The following CASKIN1 variants were observed in gnomAD, a reference collection of about 807,000 sequenced individuals.
The protein encoded by CASKIN1 is CASK interacting protein 1, also known as caskin-1.
A neutral mutation model predicts 117.5 loss-of-function variants in CASKIN1; 42 were observed. The observed-to-expected ratio is 0.36, with a 90% confidence interval of 0.28 to 0.46. The LOEUF is 0.46. Ranked by LOEUF, CASKIN1 falls within the 20% of genes least tolerant of loss-of-function variation. CASKIN1 has a pLI of 1.00. For missense variants in CASKIN1, 2,083 were observed against 2,077.3 expected (o/e 1.00, Z -0.05); for synonymous variants, 1,148 against 961.7 (o/e 1.19, Z -3.59).
In CASKIN1 at chr16:2,180,484, G is replaced by C; in HGVS notation, c.2884C>G (p.Leu962Val). 6.4e-7 allele frequency: 1 copy of C among 1,551,488 alleles called. No homozygotes were observed. Among genetic ancestry groups the C allele is most frequent in the South Asian group, 1.2e-5 (1 of 85,626 alleles). Reference protein sequence around the residue: ...RSSSALASANLADEPVPDAEP... With the variant: ...RSSSALASANVADEPVPDAEP... ...GCGTCAGGCACCGGCTCATCCGCCA[G>C]GTTGGCACTAGCCAGGGCCGAGCTG... Residue 962 changes from leucine (L) to valine (V), a missense_variant, in exon 18 of 20, where the codon CTG becomes GTG. Physicochemically the swap from Leu to Val is conservative, Grantham distance 32. Around this residue, in one of 3 missense-constraint regions of CASKIN1, gnomAD observed 1,818 missense variants for 1,688.9 expected, o/e 1.08. Coordinates refer to ENST00000343516, the MANE Select transcript of CASKIN1 (RefSeq NM_020764.4).
chr16:2,191,325 G>T (rs766993023), intron 1 of CASKIN1, among the ~76,000 whole-genome samples: 2 of 152,180 alleles, frequency 1.3e-5, no homozygotes, highest in Non-Finnish European at 2.9e-5. Context: ...AGCCCCTGCT[G>T]CCCCGGCCTC....
chr16:2,189,881 G>T (rs1178349570), intron 3 of CASKIN1, among the ~76,000 whole-genome samples, 192 bp downstream of exon 3: 2 of 151,968 alleles, frequency 1.3e-5, no homozygotes, highest in Non-Finnish European at 2.9e-5. Flanking sequence ...CTGTGGGTTT[G>T]GGGGGTGCTA....
chr16:2,196,433 G>A lies in CASKIN1; in HGVS notation c.-1C>T. ...GCACCAGCTCCTGCTCCTTCCCCAT[G>A]GCGCGGCCGGGGCCGCAGCGACGCG... On this transcript the variant is annotated 5_prime_UTR_variant, in exon 1 of 20. Coordinates refer to ENST00000343516, the MANE Select transcript of CASKIN1 (RefSeq NM_020764.4). This position sits in a 1 kb window ranked among gnomAD's most constrained non-coding sequence, Gnocchi z 5.7. 2 of 1,276,600 alleles carry A rather than the reference G, an allele frequency of 1.6e-6. No individual in the cohort carries two copies. Among genetic ancestry groups the A allele is most frequent in the Admixed American group, 2.8e-5 (1 of 35,270 alleles). The allele number at this position is 1,276,600 out of a possible 1,614,324, so 79.1% of individuals were successfully genotyped here. A position where few individuals can be genotyped will look rare whatever the true frequency, so the allele number is the denominator to read the frequency against.
chr16:2,180,129 C>T lies in CASKIN1; in HGVS notation c.3239G>A (p.Gly1080Glu), dbSNP rs1157368282. The T allele has an allele frequency of 1.9e-6, 3 of 1,552,846 alleles. No individual in the cohort carries two copies. The highest frequency in any genetic ancestry group is 2.6e-6 in the Non-Finnish European group (3 of 1,149,736). ...VTGLLATARR[G>E]PGESADPGPF... ...GCCTGGGTCTGCCGACTCCCCAGGC[C>T]CCCGGCGGGCAGTGGCCAGAAGTCC... Residue 1080 changes from glycine to glutamate, a missense_variant, in exon 18 of 20, where the codon GGG becomes GAG. Transcript: ENST00000343516.
At chr16:2,188,988 G>C (rs2093192952) in intron 6 of CASKIN1, 39 bp downstream of exon 6, 10 of 1,582,502 alleles carry the variant, frequency 6.3e-6, no homozygotes, top group Non-Finnish European at 8.6e-6. Flanking sequence ...TGAACCCTGG[G>C]GACCCTAAGG....
Position 2,180,875 on chromosome 16 carries a change from G to C in CASKIN1, c.2493C>G (p.Gly831=), listed in dbSNP as rs776949325. ...CGGGCTGGGGCAGCACGTAGGCAAA[G>C]CCGCGGTGCGTCGGTGACTGAGGCA... ...RSLPQSPTHR[G]FAYVLPQPVE... is the part of the protein sequence containing the mutation. Residue 831 remains glycine (G), a synonymous_variant, in exon 18 of 20, where the codon GGC becomes GGG. Transcript: ENST00000343516. 2.8e-6 allele frequency: 4 copies of C among 1,423,410 alleles called. No individual in the cohort carries two copies. Among genetic ancestry groups the C allele is most frequent in the East Asian group, 5.4e-5 (2 of 37,146 alleles). The allele number at this position is 1,423,410 out of a possible 1,614,324, so 88.2% of individuals were successfully genotyped here. A position where few individuals can be genotyped will look rare whatever the true frequency, so the allele number is the denominator to read the frequency against.
rs2093145088 is a variant in CASKIN1 at position 2,177,677 on chromosome 16, G to GCCTGCTACATGC, written c.*861_*872dup. On this transcript the variant is annotated 3_prime_UTR_variant, in exon 20 of 20. Transcript: ENST00000343516. ...AGAGGAGCTGCAAGCCCGTGGCCTG[G>GCCTGCTACATGC]CCTGCTACATGCCCTGCTTCCACGT... The GCCTGCTACATGC allele has an allele frequency of 4.1e-6, 1 of 242,304 alleles. No homozygotes were observed. Among genetic ancestry groups the GCCTGCTACATGC allele is most frequent in the Admixed American group, 5.4e-5 (1 of 18,620 alleles). 15.0% of individuals were successfully genotyped at this position (242,304 alleles called of 1,614,324 possible).
Position 2,185,194 on chromosome 16 carries a change from C to T in CASKIN1, c.1156G>A (p.Asp386Asn), listed in dbSNP as rs763223741. ...WVLRKPFAGG[D>N]RSGSISGMAG... ...ATGCCGCTAATGCTGCCGCTTCGGT[C>T]CCCACCTGCCAGCACAAGGGAGCAA... The change falls in exon 12 of 20, where the codon GAC becomes AAC. Residue 386 changes from aspartate (D) to asparagine (N), a missense_variant. Physicochemically the swap from Asp to Asn is conservative, Grantham distance 23. Around this residue, in one of 3 missense-constraint regions of CASKIN1, gnomAD observed 1,818 missense variants for 1,688.9 expected, o/e 1.08. Coordinates refer to ENST00000343516, the MANE Select transcript of CASKIN1 (RefSeq NM_020764.4). 2 of 1,611,172 alleles carry T rather than the reference C, an allele frequency of 1.2e-6. No homozygotes were observed. The highest frequency in any genetic ancestry group is 1.1e-5 in the South Asian group (1 of 90,862).
rs757183684 is a variant in CASKIN1, at chr16:2,185,133, T to G, written c.1217A>C (p.His406Pro). 19 of 1,608,934 alleles carry G rather than the reference T, an allele frequency of 1.2e-5. No individual in the cohort carries two copies. Among genetic ancestry groups the G allele is most frequent in the Middle Eastern group, 1.6e-4 (1 of 6,076 alleles). The change falls in exon 12 of 20, where the codon CAC becomes CCC. Residue 406 changes from histidine (H) to proline (P), a missense_variant. By Grantham distance (77) the His-to-Pro change is moderately conservative. Around this residue, in one of 3 missense-constraint regions of CASKIN1, gnomAD observed 1,818 missense variants for 1,688.9 expected, o/e 1.08. Transcript: ENST00000343516. ...TACCTTGACGCCTTCAGAGCCCGCG[T>G]GTAGGGCGTGACCCCCGCTGCCCCG... ...GGRGSGGHAL[H>P]AGSEGVKLLA...
intron 1 of CASKIN1, among the ~76,000 whole-genome samples, chr16:2,190,735 G>C (rs2093199301): frequency 6.6e-6 from 1 of 152,232 alleles, no homozygotes. Context: ...GTGGGAGGGA[G>C]AGAGCCGGCC....
rs1013978083 is a variant in CASKIN1 at position 2,177,423 on chromosome 16, ATTT to A, written c.*1124_*1126del. The A allele has an allele frequency of 4.5e-6, 1 of 222,776 alleles. No individual in the cohort carries two copies. Among genetic ancestry groups the A allele is most frequent in the South Asian group, 1.9e-4 (1 of 5,386 alleles). The allele number at this position is 222,776 out of a possible 1,614,324, so 13.8% of individuals were successfully genotyped here. ...ATCGCTGGTTTTCGGCATTTTTTAA[ATTT>A]TTTTTTTAAGAAACGTCAAAGTTGT... is the stretch of plus-strand genomic sequence containing the variant. On this transcript the variant is annotated 3_prime_UTR_variant, in exon 20 of 20. Coordinates refer to ENST00000343516, the MANE Select transcript of CASKIN1 (RefSeq NM_020764.4).
At position 2,180,811 on chromosome 16, in the gene CASKIN1, G is replaced by T. The variant is rs185628064; in HGVS notation, c.2557C>A (p.Pro853Thr). ...GGCACAGCCGTCGGCACGGGTGGGG[G>T]CGCAGGCCCCGGGGCAGCCGGCCCC... Reference protein sequence around the residue: ...EVGPAAPGPAPPPVPTAVPTL... With the variant: ...EVGPAAPGPATPPVPTAVPTL... Residue 853 changes from proline to threonine, a missense_variant, in exon 18 of 20, where the codon CCC becomes ACC. By Grantham distance (38) the Pro-to-Thr change is conservative. Coordinates refer to ENST00000343516, the MANE Select transcript of CASKIN1 (RefSeq NM_020764.4). The T allele has an allele frequency of 1.4e-6, 2 of 1,396,698 alleles. No homozygotes were observed. The highest frequency in any genetic ancestry group is 1.8e-6 in the Non-Finnish European group (2 of 1,083,992). 86.5% of individuals were successfully genotyped at this position (1,396,698 alleles called of 1,614,324 possible).
intron 14 of CASKIN1, 131 bp from the exon 15 acceptor site, chr16:2,184,072 A>G: frequency 1.6e-6 from 1 of 609,480 alleles, no homozygotes; most frequent in Non-Finnish European, 2.8e-6. Context: ...CATCTGCAGC[A>G]GGCCCCGGTG....
chr16:2,188,297 C>T (rs1468960324), intron 6 of CASKIN1, among the ~76,000 whole-genome samples: 2 of 151,804 alleles, frequency 1.3e-5, no homozygotes, highest in East Asian at 3.9e-4. Context: ...TGCGATCCTC[C>T]CACCTCAGCC....
chr16:2,181,767 C>T (rs746248420), intron 17 of CASKIN1, 24 bp downstream of exon 17: 29 of 1,606,918 alleles, frequency 1.8e-5, no homozygotes, highest in East Asian at 6.7e-5. Flanking sequence ...GGGCTGGGGA[C>T]GAGGGCTGGG....
intron 1 of CASKIN1, among the ~76,000 whole-genome samples, chr16:2,191,279 A>G (rs2093200874): frequency 6.6e-6 from 1 of 152,184 alleles, no homozygotes; most frequent in African/African-American, 2.4e-5. Context: ...GTCGAGGCAC[A>G]GGGCTGTCTG....
Position 2,184,031 on chromosome 16 carries a change from G to A in CASKIN1, c.1417-90C>T, listed in dbSNP as rs559382639. The A allele has an allele frequency of 1.1e-3, 956 of 849,524 alleles. 2 individuals are homozygous for A. Among genetic ancestry groups the A allele is most frequent in the Middle Eastern group, 2.2e-3 (6 of 2,782 alleles). The allele number at this position is 849,524 out of a possible 1,614,324, so 52.6% of individuals were successfully genotyped here. On this transcript the variant is annotated intron_variant, in intron 14 of 19. Transcript: ENST00000343516. ...GCCTCCTCTGCTTGGCCGGCCAGCC[G>A]TGCAGCCACTGCGTCCGCCGTCCGC...
intron 16 of CASKIN1, 47 bp downstream of exon 16, chr16:2,183,599 C>A: frequency 6.3e-7 from 1 of 1,583,684 alleles, no homozygotes; most frequent in African/African-American, 1.3e-5. Flanking sequence ...GTCTGTCTGT[C>A]TGTCTGCCCG....
chr16:2,185,247 G>A, intron 11 of CASKIN1, 48 bp from the exon 12 acceptor site: 1 of 1,603,700 alleles, frequency 6.2e-7, no homozygotes, highest in East Asian at 2.2e-5. Flanking sequence ...CCCCTGCCTG[G>A]CCCCACGGTG....
Sources: gnomAD v4.1 joint callset for allele counts (sites outside exome capture counted in the v4.1 genomes callset) on GRCh38, gnomAD v4.1.1 for gene constraint, gnomAD v4.1.1 regional missense constraint, Gnocchi (gnomAD v3.1) non-coding constraint, MANE v1.5 for transcripts, NCBI Gene and HGNC (gene_info 2026-07-23, HGNC 2026-07-21) for gene names.